Variants in PCM1 observed in about 807,000 individuals in gnomAD.
PCM1 encodes the protein pericentriolar material 1 protein.
In PCM1, 157 loss-of-function variants were observed where a neutral mutation model predicts 241.9. That is an observed-to-expected ratio of 0.65 (90% CI 0.57 to 0.74). The LOEUF is 0.74. Among genes scored for constraint, PCM1 ranks in the 30% least tolerant of loss-of-function variants. PCM1 has a pLI of 0.00. For synonymous variants in PCM1, 1,085 were observed against 784.9 expected, an observed-to-expected ratio of 1.38 and a Z score of -6.39; for missense variants, 3,478 against 2,360.1, an observed-to-expected ratio of 1.47 and a Z score of -9.81.
rs928964837 is a variant in PCM1, at chr8:17,928,075, C to G, written c.-23+3295C>G. On this transcript the variant is annotated intron_variant, in intron 2 of 38. Transcript: ENST00000325083. ...AGTAGAAGGATTTTATTTTTATCCCCGTTCAGCTACCCGTAGTACTGTCAT... is the reference window on the plus strand; with the variant it reads ...AGTAGAAGGATTTTATTTTTATCCCGGTTCAGCTACCCGTAGTACTGTCAT... 17 of 152,170 alleles carry G rather than the reference C, an allele frequency of 1.1e-4. 1 individual carries two copies. The East Asian group carries it at 3.1e-3, about 28-fold the overall frequency. The allele number at this position is 152,170 out of a possible 1,614,324, so 9.4% of individuals were successfully genotyped here.
In PCM1 at chr8:17,986,098, A is replaced by G; in HGVS notation, c.4410+11A>G. The G allele has an allele frequency of 2.6e-6, 4 of 1,535,612 alleles. No homozygotes were observed. Among genetic ancestry groups the G allele is most frequent in the Non-Finnish European group, 3.5e-6 (4 of 1,141,894 alleles). ...GCTACTACTGATGATGTAAGCTGAT[A>G]ATGATTAGTGAATTGTAGATATAAT... On this transcript the variant is annotated intron_variant, in intron 26 of 38. Coordinates refer to ENST00000325083, the MANE Select transcript of PCM1 (RefSeq NM_006197.4).
intron 3 of PCM1, among the ~76,000 whole-genome samples, chr8:17,936,025 A>G (rs2060316504): frequency 6.6e-6 from 1 of 152,164 alleles, no homozygotes. Context: ...TCACCACCCT[A>G]ACTCTGCTTT....
chr8:18,010,183 G>T (rs1002649786), intron 31 of PCM1, among the ~76,000 whole-genome samples: 3 of 152,150 alleles, frequency 2.0e-5, no homozygotes, highest in South Asian at 2.1e-4. Flanking sequence ...CCTGTAGTTT[G>T]TTCTGCCTTG....
chr8:17,951,588 C>G (rs986881266), intron 8 of PCM1, among the ~76,000 whole-genome samples: 3 of 152,076 alleles, frequency 2.0e-5, no homozygotes, highest in Admixed American at 2.0e-4. Flanking sequence ...GTAAATAAGC[C>G]ATTGCTAATG....
In PCM1 at chr8:17,957,785, G is replaced by T; in HGVS notation, c.2040+10G>T. The T allele has an allele frequency of 6.4e-7, 1 of 1,569,512 alleles. No homozygotes were observed. Among genetic ancestry groups the T allele is most frequent in the Non-Finnish European group, 8.7e-7 (1 of 1,143,070 alleles). ...TGTTGCTATGGTACAGGTAAATATT[G>T]CTTGGTCTTTTAAAAACCTATTTGT... On this transcript the variant is annotated intron_variant, in intron 13 of 38. Coordinates refer to ENST00000325083, the MANE Select transcript of PCM1 (RefSeq NM_006197.4).
intron 10 of PCM1, among the ~76,000 whole-genome samples, 187 bp from the exon 11 acceptor site, chr8:17,956,417 A>AT (rs2068517396): frequency 6.6e-6 from 1 of 152,168 alleles, no homozygotes; most frequent in South Asian, 2.1e-4. Flanking sequence ...ATAATGTGAG[A>AT]TTTTGAGTAA....
At chr8:17,988,920 C>T (rs1485803127) in intron 26 of PCM1, among the ~76,000 whole-genome samples, 3 of 151,868 alleles carry the variant, frequency 2.0e-5, no homozygotes, top group Admixed American at 1.3e-4. Flanking sequence ...TAAACATAAA[C>T]GTGGCATGTG....
At chr8:18,001,584 TTC>T (rs2089443268) in intron 29 of PCM1, among the ~76,000 whole-genome samples, 3 of 152,240 alleles carry the variant, frequency 2.0e-5, no homozygotes, top group African/African-American at 7.2e-5. Flanking sequence ...ATTCATTACA[TTC>T]TAATTTAAAA....
In PCM1 at chr8:17,966,443, A is replaced by G. The variant is rs1242259876; in HGVS notation, c.3191A>G (p.Gln1064Arg). The change falls in exon 20 of 39, where the codon CAG (glutamine) becomes CGG (arginine). Residue 1064 changes from glutamine (Q) to arginine (R), a missense_variant. Gln to Arg is a conservative substitution (Grantham distance 43, BLOSUM62 1). Transcript: ENST00000325083. ...IMHQLNQCYT[Q>R]LTWQQNNVQR... ...CACCAGTTGAACCAGTGCTATACTCAGCTAACATGGCAACAGAATAATGTT... is the reference window on the plus strand; with the variant it reads ...CACCAGTTGAACCAGTGCTATACTCGGCTAACATGGCAACAGAATAATGTT... 6.2e-7 allele frequency: 1 copy of G among 1,613,768 alleles called. No homozygotes were observed. The highest frequency in any genetic ancestry group is 8.5e-7 in the Non-Finnish European group (1 of 1,179,736).
intron 4 of PCM1, among the ~76,000 whole-genome samples, chr8:17,937,596 G>C (rs2060779619): frequency 6.6e-6 from 1 of 152,010 alleles, no homozygotes; most frequent in Non-Finnish European, 1.5e-5. Context: ...ATGCATTTCT[G>C]GACTTTATAC....
intron 29 of PCM1, 83 bp from the exon 30 acceptor site, chr8:18,006,180 T>A (rs140078007): frequency 3.7e-6 from 4 of 1,094,818 alleles, no homozygotes; most frequent in Non-Finnish European, 5.0e-6. Flanking sequence ...AATTAAAAAT[T>A]AACATTTTGT....
Position 17,969,558 on chromosome 8 carries a change from C to T in PCM1, c.3413-19C>T, listed in dbSNP as rs778007493. 12 of 1,513,268 alleles carry T rather than the reference C, an allele frequency of 7.9e-6. No individual in the cohort carries two copies. The highest frequency in any genetic ancestry group is 4.2e-5 in the Admixed American group (2 of 47,114). The allele number at this position is 1,513,268 out of a possible 1,614,324, so 93.7% of individuals were successfully genotyped here. ...GACATTTATTTATTTTTCTCTTACC[C>T]ATTGCTTTTACTGATTAGGTATGAA... On this transcript the variant is annotated intron_variant, in intron 21 of 38. Transcript: ENST00000325083.
chr8:17,985,313 A>G (rs2129476777), intron 24 of PCM1, 134 bp from the exon 25 acceptor site: 2 of 552,950 alleles, frequency 3.6e-6, no homozygotes, highest in Non-Finnish European at 6.1e-6. Context: ...TTTCTACTTT[A>G]AAAGCTCTGA....
At chr8:17,992,209 G>A (rs111574121) in intron 28 of PCM1, among the ~76,000 whole-genome samples, 6 of 152,274 alleles carry the variant, frequency 3.9e-5, no homozygotes, top group South Asian at 2.1e-4. Flanking sequence ...AAACATGCAC[G>A]TGCAAGTATC....
chr8:17,991,526 T>A lies in PCM1; in HGVS notation c.4532-16T>A. 1 of 1,562,108 alleles carries A rather than the reference T, an allele frequency of 6.4e-7. No homozygotes were observed. Among genetic ancestry groups the A allele is most frequent in the Non-Finnish European group, 8.7e-7 (1 of 1,151,098 alleles). ...CACTTTTACATACTCAAAAAATATT[T>A]TTGTTCCAAATGTAGGTAACACCGT... On this transcript the variant is annotated splice_polypyrimidine_tract_variant and intron_variant, in intron 27 of 38. Coordinates refer to ENST00000325083, the MANE Select transcript of PCM1 (RefSeq NM_006197.4).
In PCM1 at chr8:17,960,025, A is replaced by T. The variant is rs1437453853; in HGVS notation, c.2052A>T (p.Ala684=). The T allele has an allele frequency of 6.2e-7, 1 of 1,612,334 alleles. No individual in the cohort carries two copies. The highest frequency in any genetic ancestry group is 8.5e-7 in the Non-Finnish European group (1 of 1,179,278). The change falls in exon 14 of 39, where the codon GCA becomes GCT. Residue 684 remains alanine, a synonymous_variant. Coordinates refer to ENST00000325083, the MANE Select transcript of PCM1 (RefSeq NM_006197.4). ...DLVAMVQDDD[A]AQGVISASAS... ...TGATGCTCTTTCAGGATGATGATGC[A>T]GCTCAAGGAGTTATCTCTGCCAGTG...
chr8:17,991,744 GT>G, intron 28 of PCM1, 44 bp downstream of exon 28: 1 of 1,420,376 alleles, frequency 7.0e-7, no homozygotes, highest in Non-Finnish European at 9.6e-7. Context: ...AACAGGTGGT[GT>G]TTGGTTACAT....
intron 29 of PCM1, among the ~76,000 whole-genome samples, chr8:18,003,101 G>A (rs1001025851): frequency 6.6e-6 from 1 of 152,154 alleles, no homozygotes; most frequent in African/African-American, 2.4e-5. Flanking sequence ...CTTAGTGCTT[G>A]CACGCCACCT....
chr8:17,964,324 C>A (rs1476524742), intron 17 of PCM1, among the ~76,000 whole-genome samples: 5 of 152,162 alleles, frequency 3.3e-5, no homozygotes, highest in South Asian at 2.1e-4. Flanking sequence ...GGGAAGTAGT[C>A]CCAGGGGATA....
Sources: gnomAD v4.1 joint callset for allele counts (sites outside exome capture counted in the v4.1 genomes callset) on GRCh38, gnomAD v4.1.1 for gene constraint, MANE v1.5 for transcripts, NCBI Gene and HGNC (gene_info 2026-07-23, HGNC 2026-07-21) for gene names.